PGM5: variants seen among roughly 807,000 people sequenced by gnomAD.
PGM5 encodes the protein phosphoglucomutase 5.
PGM5 carries 23 observed loss-of-function variants against 59.2 expected under a neutral mutation model. The ratio of observed to expected loss-of-function variants is 0.39; its 90% confidence interval spans 0.28 to 0.55. The LOEUF (loss-of-function observed/expected upper bound fraction) is 0.55. PGM5 is among the 20% of genes least tolerant of loss of function. The pLI is 0.66. For missense variants in PGM5, 574 were observed against 748.3 expected, an observed-to-expected ratio of 0.77 and a Z score of 2.72; for synonymous variants, 214 against 286.0, an observed-to-expected ratio of 0.75 and a Z score of 2.54.
intron 6 of PGM5, among the ~76,000 whole-genome samples, chr9:68,413,708 A>G (rs1219580649): frequency 1.3e-5 from 2 of 152,234 alleles, no homozygotes; most frequent in Admixed American, 6.5e-5. Context: ...GTGTGGATTC[A>G]TGCCACTGAG....
rs146921278 is a variant in PGM5, at chr9:68,416,742, G to T, written c.1043+24269G>T. Among the ~76,000 whole-genome samples the T allele has an allele frequency of 5.7e-3, 869 of 152,328 alleles. 9 individuals carry two copies. Among genetic ancestry groups the T allele is most frequent in the African/African-American group, 0.02 (816 of 41,572 alleles). ...AGACAAATCTTACACAATTGCAGCA[G>T]AATATCTCAGAAATGTGCTCAATTC... On this transcript the variant is annotated intron_variant, in intron 6 of 10. Coordinates refer to ENST00000396396, the MANE Select transcript of PGM5 (RefSeq NM_021965.4).
At chr9:68,508,604 A>T (rs1415626872) in intron 10 of PGM5, among the ~76,000 whole-genome samples, 1 of 152,232 alleles carries the variant, frequency 6.6e-6, no homozygotes, top group Non-Finnish European at 1.5e-5. Flanking sequence ...TTATATCCAC[A>T]AATCACCAAG....
chr9:68,449,111 C>T (rs58669850), intron 6 of PGM5, among the ~76,000 whole-genome samples: 11,188 of 152,156 alleles, frequency 0.074, 1,068 homozygotes, highest in African/African-American at 0.22. Flanking sequence ...GCAGAAGGGT[C>T]GAGGGAGCTC....
chr9:68,500,059 C>T (rs1168787356), intron 10 of PGM5, among the ~76,000 whole-genome samples: 3 of 152,170 alleles, frequency 2.0e-5, no homozygotes, highest in African/African-American at 7.2e-5. Flanking sequence ...CTGGCTGCTC[C>T]TGTCTTCTTG....
At chr9:68,435,871 T>C (rs1368940463) in intron 6 of PGM5, among the ~76,000 whole-genome samples, 2 of 152,242 alleles carry the variant, frequency 1.3e-5, no homozygotes, top group African/African-American at 4.8e-5. Flanking sequence ...GGACCACATC[T>C]GCCTTGTCAC....
chr9:68,403,477 C>T (rs1475086653), intron 6 of PGM5, among the ~76,000 whole-genome samples: 7 of 152,196 alleles, frequency 4.6e-5, no homozygotes, highest in Non-Finnish European at 7.3e-5. Flanking sequence ...TTGTCTTCCA[C>T]AAAACCGGTC....
At position 68,487,429 on chromosome 9, in the gene PGM5, T is replaced by TTCTCTC. The variant is rs147613742; in HGVS notation, c.1479+3395_1479+3400dup. ...TCAGTTCAAGAAAAGGATACAACTATTCTCTCTCTCTCTCTCTCTGTGTCA... is the reference window on the plus strand; with the variant it reads ...TCAGTTCAAGAAAAGGATACAACTATTCTCTCTCTCTCTCTCTCTCTCTCTGTGTCA... On this transcript the variant is annotated intron_variant, in intron 9 of 10. Transcript: ENST00000396396. Among the ~76,000 whole-genome samples, 343 of 119,082 alleles carry TTCTCTC rather than the reference T, an allele frequency of 2.9e-3. 1 individual carries two copies. Among genetic ancestry groups the TTCTCTC allele is most frequent in the Middle Eastern group, 4.1e-3 (1 of 242 alleles). 78.1% of individuals were successfully genotyped at this position (119,082 alleles called of 152,430 possible).
At chr9:68,511,584 C>A (rs1428058846) in intron 10 of PGM5, among the ~76,000 whole-genome samples, 1 of 100,402 alleles carries the variant, frequency 1.0e-5, no homozygotes, top group Non-Finnish European at 1.8e-5. Context: ...TGGAGTCTCA[C>A]TCTGTCACCA....
intron 6 of PGM5, among the ~76,000 whole-genome samples, chr9:68,415,186 C>T (rs1294363448): frequency 5.4e-5 from 8 of 149,056 alleles, no homozygotes; most frequent in South Asian, 2.1e-4. Context: ...TACCACTGTC[C>T]GGTGTCCAGT....
At chr9:68,422,931 A>C (rs1823159749) in intron 6 of PGM5, among the ~76,000 whole-genome samples, 1 of 152,022 alleles carries the variant, frequency 6.6e-6, no homozygotes, top group Non-Finnish European at 1.5e-5. Context: ...ATGCCTTTGC[A>C]TCCTCATAGC....
At chr9:68,435,343 G>A (rs1274602645) in intron 6 of PGM5, among the ~76,000 whole-genome samples, 1 of 152,164 alleles carries the variant, frequency 6.6e-6, no homozygotes, top group Non-Finnish European at 1.5e-5. Flanking sequence ...ACAGATACAT[G>A]CAACCATCAT....
At chr9:68,527,143 G>T (rs1364660194) in intron 10 of PGM5, among the ~76,000 whole-genome samples, 13 of 152,208 alleles carry the variant, frequency 8.5e-5, no homozygotes, top group Admixed American at 8.5e-4. Context: ...GGTGTTTACA[G>T]TATTTGTTAA....
chr9:68,482,316 T>C (rs1554687182), intron 8 of PGM5, among the ~76,000 whole-genome samples: 1 of 152,156 alleles, frequency 6.6e-6, no homozygotes, highest in Non-Finnish European at 1.5e-5. Context: ...CTTTACCTTC[T>C]CCAAATGTCT....
chr9:68,448,286 C>A (rs1823645120), intron 6 of PGM5, among the ~76,000 whole-genome samples: 1 of 152,138 alleles, frequency 6.6e-6, no homozygotes, highest in Non-Finnish European at 1.5e-5. Context: ...ACAGGTCTAG[C>A]AGTAGCAACG....
At chr9:68,481,374 G>A (rs552973799) in intron 8 of PGM5, among the ~76,000 whole-genome samples, 18 of 152,262 alleles carry the variant, frequency 1.2e-4, no homozygotes, top group South Asian at 8.3e-4. Flanking sequence ...TGAATTCTCA[G>A]GACAGGTAGA....
At chr9:68,524,710 G>T (rs1242790874) in intron 10 of PGM5, among the ~76,000 whole-genome samples, 1 of 152,068 alleles carries the variant, frequency 6.6e-6, no homozygotes, top group East Asian at 1.9e-4. Context: ...GGTCCAATAG[G>T]GTTGCAATCC....
chr9:68,511,006 G>A (rs1824740131), intron 10 of PGM5, among the ~76,000 whole-genome samples: 1 of 152,184 alleles, frequency 6.6e-6, no homozygotes, highest in African/African-American at 2.4e-5. Context: ...TTGTTATGTG[G>A]ATGAAGCCTC....
intron 1 of PGM5, among the ~76,000 whole-genome samples, chr9:68,368,846 T>C (rs1180951329): frequency 6.6e-6 from 1 of 152,224 alleles, no homozygotes; most frequent in African/African-American, 2.4e-5. Context: ...GGTCTTGCTG[T>C]ATTGCCCAGG....
intron 9 of PGM5, among the ~76,000 whole-genome samples, chr9:68,486,022 T>C (rs1442405351): frequency 1.3e-5 from 2 of 152,198 alleles, no homozygotes; most frequent in South Asian, 2.1e-4. Context: ...GATGTCAACA[T>C]GCATCAGCAT....
Sources: gnomAD v4.1 joint callset for allele counts (sites outside exome capture counted in the v4.1 genomes callset) on GRCh38, gnomAD v4.1.1 for gene constraint, MANE v1.5 for transcripts, NCBI Gene and HGNC (gene_info 2026-07-23, HGNC 2026-07-21) for gene names.